Variants in EPHA6 observed in about 807,000 individuals in gnomAD.
EPHA6 encodes EPH receptor A6.
EPHA6 carries 50 observed loss-of-function variants against 112.0 expected under a neutral mutation model. The ratio of observed to expected loss-of-function variants is 0.45; its 90% CI spans 0.36 to 0.56. The LOEUF (loss-of-function observed/expected upper bound fraction) is 0.56, where lower values mean the gene tolerates loss of function less well. Among genes scored for constraint, EPHA6 ranks in the 20% least tolerant of loss-of-function variants. The pLI is 0.00. For missense variants in EPHA6, 1,280 were observed against 1,417.4 expected, an observed-to-expected ratio of 0.90 and a Z score of 1.56; for synonymous variants, 529 against 490.7, an observed-to-expected ratio of 1.08 and a Z score of -1.03.
rs2035974408 is a variant in EPHA6, at chr3:97,754,368, G to C, written c.*5667G>C. ...CTCCCAAAGTGCTGGGATTACAGGC[G>C]TGAGCCACTGTGCCCAGTGAGAAGA... On this transcript the variant is annotated 3_prime_UTR_variant, in exon 18 of 18. Coordinates refer to ENST00000389672, the MANE Select transcript of EPHA6 (RefSeq NM_001080448.3). Among the ~76,000 whole-genome samples the C allele has an allele frequency of 6.6e-6, 1 of 152,172 alleles. No individual in the cohort carries two copies. The highest frequency in any genetic ancestry group is 6.5e-5 in the Admixed American group (1 of 15,268).
intron 11 of EPHA6, among the ~76,000 whole-genome samples, chr3:97,554,641 A>G (rs9875288): frequency 0.015 from 2,335 of 152,088 alleles, 73 homozygotes; most frequent in African/African-American, 0.053. Context: ...ATAGTCCAAC[A>G]TGTTGTCATA....
chr3:97,164,516 T>A (rs2076492108), intron 3 of EPHA6, among the ~76,000 whole-genome samples: 1 of 152,258 alleles, frequency 6.6e-6, no homozygotes, highest in Admixed American at 6.5e-5. Flanking sequence ...TGTTATTATG[T>A]CCTTTAAAAT....
chr3:96,946,247 G>A (rs1322439672), intron 2 of EPHA6, among the ~76,000 whole-genome samples: 13 of 151,624 alleles, frequency 8.6e-5, no homozygotes, highest in African/African-American at 2.2e-4. Context: ...GTAAGTATAC[G>A]TGTGCCATAT....
chr3:97,624,310 C>A (rs1456395047), intron 13 of EPHA6, among the ~76,000 whole-genome samples: 1 of 151,458 alleles, frequency 6.6e-6, no homozygotes. Context: ...TGGAGATCTT[C>A]CCCCTTCATT....
chr3:97,286,333 T>C (rs982375318), intron 5 of EPHA6, among the ~76,000 whole-genome samples: 9 of 152,332 alleles, frequency 5.9e-5, no homozygotes, highest in Admixed American at 3.9e-4. Flanking sequence ...ATGAAATTTG[T>C]TCTTTATGTT....
At chr3:97,107,786 A>G (rs1157733712) in intron 3 of EPHA6, among the ~76,000 whole-genome samples, 3 of 152,128 alleles carry the variant, frequency 2.0e-5, no homozygotes, top group Non-Finnish European at 4.4e-5. Flanking sequence ...CATATGCCAC[A>G]TTATTTATCA....
At chr3:96,893,004 GCA>G (rs1462084378) in intron 2 of EPHA6, among the ~76,000 whole-genome samples, 3 of 151,100 alleles carry the variant, frequency 2.0e-5, no homozygotes, top group Non-Finnish European at 4.4e-5. Flanking sequence ...GTGTGCGCGC[GCA>G]AAGTCATGTG....
intron 7 of EPHA6, among the ~76,000 whole-genome samples, chr3:97,461,103 T>A (rs2107385265): frequency 6.6e-6 from 1 of 152,270 alleles, no homozygotes; most frequent in East Asian, 1.9e-4. Context: ...TACTCCAAAC[T>A]AGGCAACTGG....
chr3:97,476,033 A>G (rs1382868151), intron 8 of EPHA6, among the ~76,000 whole-genome samples: 2 of 152,122 alleles, frequency 1.3e-5, no homozygotes, highest in African/African-American at 4.8e-5. Context: ...TTCTATTTTT[A>G]TACAGGTTTG....
chr3:97,118,035 G>T (rs2047941885), intron 3 of EPHA6, among the ~76,000 whole-genome samples: 1 of 151,514 alleles, frequency 6.6e-6, no homozygotes, highest in Non-Finnish European at 1.5e-5. Flanking sequence ...ACTTCTTTTT[G>T]ATCTTCAAAT....
intron 5 of EPHA6, among the ~76,000 whole-genome samples, chr3:97,374,446 C>T (rs976113721): frequency 1.3e-5 from 2 of 152,114 alleles, no homozygotes; most frequent in African/African-American, 4.8e-5. Flanking sequence ...TGATGTCATT[C>T]TCTCTTCATC....
At chr3:97,692,799 T>G (rs188006407) in intron 14 of EPHA6, among the ~76,000 whole-genome samples, 1 of 152,156 alleles carries the variant, frequency 6.6e-6, no homozygotes, top group Admixed American at 6.5e-5. Flanking sequence ...TTTTTCAAAT[T>G]AAAAAATACA....
chr3:96,847,668 T>G (rs1332254014), intron 1 of EPHA6, among the ~76,000 whole-genome samples: 1 of 152,134 alleles, frequency 6.6e-6, no homozygotes, highest in Non-Finnish European at 1.5e-5. Context: ...ATACAAGAAG[T>G]TATTTTTGCT....
At chr3:97,279,080 A>T (rs2080199556) in intron 5 of EPHA6, among the ~76,000 whole-genome samples, 1 of 152,162 alleles carries the variant, frequency 6.6e-6, no homozygotes, top group Non-Finnish European at 1.5e-5. Flanking sequence ...TTACTAGTGG[A>T]TTCTTTACAA....
intron 6 of EPHA6, among the ~76,000 whole-genome samples, chr3:97,445,788 A>T (rs1577436444): frequency 1.3e-5 from 2 of 152,034 alleles, no homozygotes; most frequent in East Asian, 1.9e-4. Flanking sequence ...ATAAAAATAA[A>T]TAATATTAAG....
chr3:96,969,331 A>C (rs762956098), intron 2 of EPHA6, among the ~76,000 whole-genome samples: 8 of 151,924 alleles, frequency 5.3e-5, no homozygotes, highest in Non-Finnish European at 1.2e-4. Flanking sequence ...TCTACTGTTA[A>C]GTCAATTAAT....
intron 5 of EPHA6, among the ~76,000 whole-genome samples, chr3:97,335,619 A>G (rs1214163405): frequency 3.3e-5 from 5 of 152,030 alleles, no homozygotes; most frequent in African/African-American, 9.7e-5. Context: ...CCTTACCCAG[A>G]TCTTCAAAAC....
chr3:96,829,463 G>T (rs548750865), intron 1 of EPHA6, among the ~76,000 whole-genome samples: 1 of 152,216 alleles, frequency 6.6e-6, no homozygotes, highest in South Asian at 2.1e-4. Flanking sequence ...ACTACAGGAT[G>T]CTCCTTTTCC....
chr3:97,036,032 A>G (rs2045079227), intron 3 of EPHA6, among the ~76,000 whole-genome samples: 1 of 151,996 alleles, frequency 6.6e-6, no homozygotes, highest in Admixed American at 6.6e-5. Flanking sequence ...TTGTGAGGAT[A>G]CAAGAAGGTA....
Sources: allele counts gnomAD v4.1 joint callset (sites outside exome capture counted in the v4.1 genomes callset), GRCh38; gene constraint gnomAD v4.1.1; transcripts MANE v1.5; gene names NCBI Gene and HGNC (gene_info 2026-07-23, HGNC 2026-07-21).